HRH1: variants seen among roughly 807,000 people sequenced by gnomAD.
The protein encoded by HRH1 is histamine H1 receptor.
Under a neutral mutation model 10.3 loss-of-function variants are expected in HRH1, and 6 were observed. The ratio of observed to expected loss-of-function variants is 0.58; its 90% CI spans 0.32 to 1.15. The LOEUF is 1.15. Ranked by LOEUF, HRH1 falls within the 50% of genes most tolerant of loss-of-function variation. HRH1 has a pLI of 0.05. For missense variants in HRH1, 514 were observed against 615.3 expected (o/e 0.84, Z 1.74); for synonymous variants, 242 against 236.7 (o/e 1.02, Z -0.21).
At chr3:11,214,704 T>C (rs543174969) in intron 1 of HRH1, among the ~76,000 whole-genome samples, 8 of 152,364 alleles carry the variant, frequency 5.3e-5, no homozygotes, top group African/African-American at 1.9e-4. Flanking sequence ...AGACACTTTG[T>C]ATATGTTTAA....
chr3:11,185,331 T>C (rs1024932548), intron 1 of HRH1, among the ~76,000 whole-genome samples: 1 of 152,172 alleles, frequency 6.6e-6, no homozygotes, highest in African/African-American at 2.4e-5. Context: ...GGCTCATAAG[T>C]CACCTCCTCT....
intron 1 of HRH1, among the ~76,000 whole-genome samples, chr3:11,173,773 C>T (rs1459878300): frequency 6.6e-6 from 1 of 152,064 alleles, no homozygotes; most frequent in Non-Finnish European, 1.5e-5. Context: ...AGGAATTCAT[C>T]TTCTGTGGGA....
intron 1 of HRH1, among the ~76,000 whole-genome samples, chr3:11,205,148 G>C (rs1412675326): frequency 6.6e-6 from 1 of 152,242 alleles, no homozygotes; most frequent in African/African-American, 2.4e-5. Flanking sequence ...GGTCTGAGGA[G>C]ATGGGAATGT....
At chr3:11,222,183 C>T (rs1047278928) in intron 1 of HRH1, among the ~76,000 whole-genome samples, 1 of 152,138 alleles carries the variant, frequency 6.6e-6, no homozygotes, top group African/African-American at 2.4e-5. Context: ...CTCTTGAACA[C>T]CCACAGTCAG....
chr3:11,254,831 C>T (rs879689796), intron 1 of HRH1, among the ~76,000 whole-genome samples: 98 of 152,340 alleles, frequency 6.4e-4, no homozygotes, highest in African/African-American at 2.3e-3. Context: ...GTGCTAGTCA[C>T]AATCGCAAGA....
chr3:11,249,316 T>C (rs1002001467), intron 1 of HRH1, among the ~76,000 whole-genome samples: 1 of 144,026 alleles, frequency 6.9e-6, no homozygotes, highest in Non-Finnish European at 1.5e-5. Context: ...AGCAGGAGAA[T>C]GGCGTGAACT....
chr3:11,182,622 G>A (rs1461623537), intron 1 of HRH1, among the ~76,000 whole-genome samples: 2 of 152,152 alleles, frequency 1.3e-5, no homozygotes, highest in Admixed American at 6.5e-5. Context: ...CGTGCCTGTG[G>A]GCAGGTCATC....
chr3:11,231,138 T>C (rs752192870), intron 1 of HRH1, among the ~76,000 whole-genome samples: 43 of 152,342 alleles, frequency 2.8e-4, no homozygotes, highest in Non-Finnish European at 3.2e-4. Context: ...CTTCACATAA[T>C]TCTCTGGAGA....
chr3:11,151,257 T>G (rs1936612955), upstream of HRH1, among the ~76,000 whole-genome samples: 1 of 152,116 alleles, frequency 6.6e-6, no homozygotes, highest in Admixed American at 6.5e-5. Flanking sequence ...CACCTCCCTA[T>G]GGAAAGAGCC....
intron 1 of HRH1, among the ~76,000 whole-genome samples, chr3:11,138,435 A>G (rs1450711848): frequency 2.0e-5 from 3 of 152,168 alleles, no homozygotes; most frequent in African/African-American, 7.2e-5. Context: ...GCCAGCCACA[A>G]TGAGGTACCA....
chr3:11,154,465 C>T, upstream of HRH1: 1 of 68,356 alleles, frequency 1.5e-5, no homozygotes, highest in South Asian at 5.1e-4. The surrounding 1 kb of genome is among the most constrained non-coding windows in gnomAD (Gnocchi z 4.4). Flanking sequence ...CCCGAGAGCT[C>T]CCCGGCGCCC....
intron 1 of HRH1, among the ~76,000 whole-genome samples, chr3:11,168,778 A>C (rs1937097864): frequency 6.6e-6 from 1 of 152,286 alleles, no homozygotes; most frequent in Admixed American, 6.5e-5. Flanking sequence ...CTCCTCTAAT[A>C]TGGGGTTTAC....
chr3:11,224,721 T>C (rs1485237826), intron 1 of HRH1, among the ~76,000 whole-genome samples: 3 of 148,790 alleles, frequency 2.0e-5, no homozygotes, highest in East Asian at 4.0e-4. Context: ...AAAAAAGAAA[T>C]TGGATGTTGG....
intron 1 of HRH1, among the ~76,000 whole-genome samples, chr3:11,143,016 G>A (rs891947910): frequency 1.3e-5 from 2 of 152,196 alleles, no homozygotes; most frequent in African/African-American, 4.8e-5. Flanking sequence ...CCCCAAGACA[G>A]GACAAAAGCT....
intron 1 of HRH1, among the ~76,000 whole-genome samples, chr3:11,144,020 GA>G (rs1936351204): frequency 6.6e-6 from 1 of 152,172 alleles, no homozygotes; most frequent in African/African-American, 2.4e-5. Context: ...ACACCAGTCA[GA>G]ACGGCTATTG....
At chr3:11,238,684 C>T (rs112629536) in intron 1 of HRH1, among the ~76,000 whole-genome samples, 4,936 of 152,248 alleles carry the variant, frequency 0.032, 94 homozygotes, top group Middle Eastern at 0.051. Context: ...CAAAAGATCC[C>T]TTCCTGTCCC....
intron 1 of HRH1, among the ~76,000 whole-genome samples, chr3:11,205,438 C>G (rs948707572): frequency 1.3e-5 from 2 of 152,158 alleles, no homozygotes; most frequent in Non-Finnish European, 2.9e-5. Context: ...AGCTGTATGT[C>G]CTTGGGCAAG....
chr3:11,243,945 T>C (rs1307142207), intron 1 of HRH1, among the ~76,000 whole-genome samples: 1 of 152,250 alleles, frequency 6.6e-6, no homozygotes, highest in East Asian at 1.9e-4. Context: ...CGCATGCTAA[T>C]TTATCAACTC....
intron 1 of HRH1, among the ~76,000 whole-genome samples, chr3:11,186,342 C>T (rs953465976): frequency 5.9e-5 from 9 of 152,210 alleles, no homozygotes; most frequent in African/African-American, 2.2e-4. Context: ...GAGAGCTGTT[C>T]TGCCATCATG....
Sources: allele counts gnomAD v4.1 joint callset (sites outside exome capture counted in the v4.1 genomes callset), GRCh38; gene constraint gnomAD v4.1.1; non-coding constraint Gnocchi (gnomAD v3.1); transcripts MANE v1.5; gene names NCBI Gene and HGNC (gene_info 2026-07-23, HGNC 2026-07-21).